The following TG variants were observed in gnomAD, a reference collection of about 807,000 sequenced individuals.
TG encodes the protein thyroglobulin, also known as thyroid hormones.
Under a neutral mutation model 324.7 loss-of-function variants are expected in TG, and 270 were observed. That is an observed-to-expected ratio of 0.83 (90% CI 0.75 to 0.92). The LOEUF (loss-of-function observed/expected upper bound fraction) is 0.92. Ranked by LOEUF, TG falls within the 40% of genes least tolerant of loss-of-function variation. The pLI, the probability that TG is intolerant of heterozygous loss-of-function variation, is 0.00. For missense variants in TG, 3,591 were observed against 3,456.4 expected (o/e 1.04, Z -0.98); for synonymous variants, 1,401 against 1,327.0 (o/e 1.06, Z -1.21).
chr8:133,030,164 T>G (rs1587807828), intron 41 of TG, 141 bp downstream of exon 41: 1 of 1,076,932 alleles, frequency 9.3e-7, no homozygotes, highest in Non-Finnish European at 1.4e-6. Context: ...CTGCTTGGAG[T>G]TTTCCATGTA....
At chr8:132,942,906 G>A (rs2129947561) in intron 26 of TG, among the ~76,000 whole-genome samples, 1 of 152,280 alleles carries the variant, frequency 6.6e-6, no homozygotes, top group South Asian at 2.1e-4. Flanking sequence ...TGTGAGCTGA[G>A]CTAGAGACAG....
chr8:132,943,467 C>T (rs551164994), intron 26 of TG, among the ~76,000 whole-genome samples: 3 of 152,088 alleles, frequency 2.0e-5, no homozygotes, highest in South Asian at 2.1e-4. Context: ...ATAAATTACC[C>T]GGCCTCAGGT....
At chr8:132,869,308 C>G (rs1045246384) in intron 2 of TG, among the ~76,000 whole-genome samples, 3 of 152,216 alleles carry the variant, frequency 2.0e-5, no homozygotes, top group Non-Finnish European at 2.9e-5. Context: ...CACCCATGTG[C>G]TTCCCAATAT....
chr8:132,981,780 C>A (rs563623913), intron 34 of TG, among the ~76,000 whole-genome samples: 46 of 152,230 alleles, frequency 3.0e-4, no homozygotes, highest in Admixed American at 7.9e-4. Flanking sequence ...GGAAGTCTGC[C>A]AAAGTTTGAG....
At chr8:132,887,665 C>T in intron 9 of TG, 117 bp downstream of exon 9, 1 of 1,348,288 alleles carries the variant, frequency 7.4e-7, no homozygotes, top group Non-Finnish European at 1.1e-6. Flanking sequence ...CAGTTAAGGA[C>T]AAAATTGACT....
At chr8:132,925,362 CAT>C (rs1047242655) in intron 22 of TG, among the ~76,000 whole-genome samples, 3 of 152,208 alleles carry the variant, frequency 2.0e-5, no homozygotes, top group African/African-American at 7.2e-5. Flanking sequence ...CATACACACA[CAT>C]ATGCATGCAT....
At chr8:133,074,834 C>T in intron 41 of TG, 1 of 985,308 alleles carries the variant, frequency 1.0e-6, no homozygotes. Context: ...CCCATCTCTG[C>T]CACATACTCC....
intron 35 of TG, among the ~76,000 whole-genome samples, chr8:133,008,466 G>A (rs985291733): frequency 5.3e-5 from 8 of 151,660 alleles, no homozygotes; most frequent in African/African-American, 1.9e-4. Context: ...TAAAATAAAT[G>A]ACACTAGCAT....
At chr8:132,880,510 G>A (rs1814503350) in intron 5 of TG, among the ~76,000 whole-genome samples, 1 of 152,070 alleles carries the variant, frequency 6.6e-6, no homozygotes, top group Admixed American at 6.5e-5. Context: ...TTTAATATTT[G>A]TTATGCAACA....
intron 35 of TG, among the ~76,000 whole-genome samples, chr8:132,988,063 T>TGC (rs1831802372): frequency 2.1e-5 from 2 of 96,248 alleles, no homozygotes; most frequent in South Asian, 3.0e-4. Context: ...TACATACACA[T>TGC]GCACACACAC....
At position 133,060,289 on chromosome 8, in the gene TG, A is replaced by G. The variant is rs1272372147; in HGVS notation, c.7239+30266A>G. On this transcript the variant is annotated intron_variant, in intron 41 of 47. Transcript: ENST00000220616. ...CCCAGTTTAGAGAGCATCGTGCATCATTTTTCTGGCAGCTTGCTTCTTGAA... is the reference window on the plus strand; with the variant it reads ...CCCAGTTTAGAGAGCATCGTGCATCGTTTTTCTGGCAGCTTGCTTCTTGAA... 4 of 1,585,304 alleles carry G rather than the reference A, an allele frequency of 2.5e-6. No individual in the cohort carries two copies. The South Asian group carries it at 3.4e-5, about 13-fold the overall frequency.
chr8:132,911,342 G>A (rs1474045847), intron 18 of TG, 35 bp from the exon 19 acceptor site: 3 of 1,614,038 alleles, frequency 1.9e-6, no homozygotes, highest in African/African-American at 2.7e-5. Context: ...TTTCTACTCT[G>A]TGTTCTTGAG....
chr8:132,934,953 A>C lies in TG; in HGVS notation c.4933-803A>C, dbSNP rs1253617720. 3.9e-5 allele frequency among the ~76,000 whole-genome samples: 6 copies of C among 151,974 alleles called. No individual in the cohort carries two copies. In the East Asian group the frequency reaches 1.2e-3, roughly 29 times the overall value. The stretch of plus-strand genomic sequence containing the variant: ...CCCTGGATAGAAACTAAGTGCCTGT[A>C]AGGTCTTTCATAGCCAGCTCCAGCC... On this transcript the variant is annotated intron_variant, in intron 24 of 47. Transcript: ENST00000220616.
At chr8:132,978,398 T>A (rs1009228519) in intron 34 of TG, among the ~76,000 whole-genome samples, 1 of 152,000 alleles carries the variant, frequency 6.6e-6, no homozygotes, top group Non-Finnish European at 1.5e-5. Flanking sequence ...ACACTGGAGG[T>A]CACATTTCAA....
In TG at chr8:132,873,139, G is replaced by A. The variant is rs1174684975; in HGVS notation, c.556G>A (p.Glu186Lys). The A allele has an allele frequency of 6.2e-7, 1 of 1,614,186 alleles. No homozygotes were observed. Among genetic ancestry groups the A allele is most frequent in the Non-Finnish European group, 8.5e-7 (1 of 1,180,028 alleles). Reference protein sequence around the residue: ...GDKSPPQCSAEGEFMPVQCKF... With the variant: ...GDKSPPQCSAKGEFMPVQCKF... ...TAAGTCACCACCCCAGTGTTCTGCG[G>A]AGGGAGAGTTTATGCCTGTCCAGTG... Residue 186 changes from glutamate (E) to lysine (K), a missense_variant, in exon 5 of 48, where the codon GAG (glutamate) becomes AAG (lysine). Glu to Lys is a moderately conservative substitution (Grantham distance 56). Coordinates refer to ENST00000220616, the MANE Select transcript of TG (RefSeq NM_003235.5).
At chr8:133,024,234 C>T (rs550140051) in intron 40 of TG, among the ~76,000 whole-genome samples, 75 of 152,320 alleles carry the variant, frequency 4.9e-4, no homozygotes, top group Non-Finnish European at 5.7e-4. Context: ...TGGCTGGACA[C>T]GCCCTTTCAA....
intron 27 of TG, among the ~76,000 whole-genome samples, chr8:132,960,462 T>C (rs930113726): frequency 1.3e-5 from 2 of 152,240 alleles, no homozygotes; most frequent in South Asian, 4.1e-4. Context: ...CCTAGTGTCA[T>C]CCAGAGTGGG....
chr8:133,134,733 C>A lies in TG; in HGVS notation c.8246C>A (p.Ser2749Tyr), dbSNP rs913638610. The A allele has an allele frequency of 6.2e-7, 1 of 1,614,112 alleles. No individual in the cohort carries two copies. The highest frequency in any genetic ancestry group is 8.5e-7 in the Non-Finnish European group (1 of 1,179,996). Residue 2749 changes from serine (S) to tyrosine (Y), a missense_variant, in exon 48 of 48, where the codon TCT becomes TAT. Coordinates refer to ENST00000220616, the MANE Select transcript of TG (RefSeq NM_003235.5). The stretch of plus-strand genomic sequence containing the variant: ...GAAGAGGAGGAGTTGACGGCTGGAT[C>A]TGGGCTAAGAGAAGATCTCCTAAGC... ...ESEEEELTAG[S>Y]GLREDLLSLQ... is the part of the protein sequence containing the mutation.
At chr8:133,113,341 T>G in intron 43 of TG, 81 bp from the exon 44 acceptor site, 1 of 1,549,502 alleles carries the variant, frequency 6.5e-7, no homozygotes, top group Non-Finnish European at 8.9e-7. Flanking sequence ...GAGAGAAAAT[T>G]CTAGAGCAAG....
Sources: allele counts gnomAD v4.1 joint callset (sites outside exome capture counted in the v4.1 genomes callset), GRCh38; gene constraint gnomAD v4.1.1; transcripts MANE v1.5; gene names NCBI Gene and HGNC (gene_info 2026-07-23, HGNC 2026-07-21).